USP12: variants seen among roughly 807,000 people sequenced by gnomAD.
The protein encoded by USP12 is ubiquitin specific peptidase 12.
USP12 carries 19 observed loss-of-function variants against 45.5 expected under a neutral mutation model. The observed-to-expected ratio is 0.42, with a 90% CI of 0.29 to 0.61. The LOEUF is 0.61. Ranked by LOEUF, USP12 falls within the 20% of genes least tolerant of loss-of-function variation. The pLI, the probability that USP12 is intolerant of heterozygous loss-of-function variation, is 0.22. For missense variants in USP12, 242 were observed against 447.7 expected (o/e 0.54, Z 4.15); for synonymous variants, 149 against 148.8 (o/e 1.00, Z -0.01).
chr13:27,171,016 G>A (rs950947416), intron 1 of USP12, among the ~76,000 whole-genome samples: 2 of 152,180 alleles, frequency 1.3e-5, no homozygotes, highest in Admixed American at 6.5e-5. Flanking sequence ...ATCTGCACTT[G>A]ACTTCCGTCC....
At chr13:27,153,875 G>A (rs116041875) in intron 1 of USP12, among the ~76,000 whole-genome samples, 23 of 152,230 alleles carry the variant, frequency 1.5e-4, no homozygotes, top group African/African-American at 5.5e-4. Flanking sequence ...TGAGAAAAAC[G>A]AAGTCTCTAG....
intron 6 of USP12, among the ~76,000 whole-genome samples, chr13:27,083,304 T>C (rs905494042): frequency 6.6e-6 from 1 of 152,194 alleles, no homozygotes; most frequent in African/African-American, 2.4e-5. Flanking sequence ...GCACACATGC[T>C]GTTGGAAAAA....
intron 1 of USP12, among the ~76,000 whole-genome samples, chr13:27,135,875 T>C (rs1876782080): frequency 6.6e-6 from 1 of 152,238 alleles, no homozygotes; most frequent in African/African-American, 2.4e-5. Context: ...TTTCTTTACT[T>C]TCCAAGTTGA....
At chr13:27,158,725 G>A (rs1034039735) in intron 1 of USP12, among the ~76,000 whole-genome samples, 2 of 152,046 alleles carry the variant, frequency 1.3e-5, no homozygotes, top group African/African-American at 4.8e-5. Context: ...ACTTTGTTAT[G>A]GCAGCCCTAG....
chr13:27,132,481 C>T (rs887551059), intron 1 of USP12, among the ~76,000 whole-genome samples: 2 of 152,150 alleles, frequency 1.3e-5, no homozygotes, highest in African/African-American at 2.4e-5. Flanking sequence ...ATAGCCCTCA[C>T]TCATTAAATT....
intron 7 of USP12, among the ~76,000 whole-genome samples, chr13:27,074,028 G>C (rs191102230): frequency 1.3e-5 from 2 of 152,144 alleles, no homozygotes; most frequent in South Asian, 4.1e-4. Flanking sequence ...ATAAAAGACG[G>C]GACCCAAGGC....
intron 1 of USP12, among the ~76,000 whole-genome samples, chr13:27,156,591 G>T (rs577664075): frequency 1.0e-3 from 157 of 152,350 alleles, no homozygotes; most frequent in South Asian, 2.3e-3. Context: ...GCCAAGACAG[G>T]CGGATCACCT....
At chr13:27,171,244 C>G (rs566175818) in intron 1 of USP12, among the ~76,000 whole-genome samples, 1 of 150,436 alleles carries the variant, frequency 6.6e-6, no homozygotes, top group Non-Finnish European at 1.5e-5. Context: ...GGGCGCGCCT[C>G]GGCCCTCGTC....
chr13:27,103,607 A>AAAAAAAAAAT lies in USP12; in HGVS notation c.343+2123_343+2124insATTTTTTTTT, dbSNP rs372985958. On this transcript the variant is annotated intron_variant, in intron 3 of 8. Coordinates refer to ENST00000282344, the MANE Select transcript of USP12 (RefSeq NM_182488.4). ...GTAACTATTGAACTATCAAAAAAAA[A>AAAAAAAAAAT]AATAATAATAATAATAATAATAAGG... Among the ~76,000 whole-genome samples the AAAAAAAAAAT allele has an allele frequency of 5.3e-3, 682 of 128,456 alleles. 3 individuals are homozygous for AAAAAAAAAAT. The highest frequency in any genetic ancestry group is 0.013 in the South Asian group (49 of 3,696). 84.3% of individuals were successfully genotyped at this position (128,456 alleles called of 152,430 possible). A position where few individuals can be genotyped will look rare whatever the true frequency, so the allele number is the denominator to read the frequency against.
chr13:27,089,648 G>A lies in USP12; in HGVS notation c.734+235C>T, dbSNP rs571706447. 2.9e-4 allele frequency: 128 copies of A among 448,274 alleles called. 3 individuals are homozygous for A. The South Asian group carries it at 4.1e-3, about 14-fold the overall frequency. 27.8% of individuals were successfully genotyped at this position (448,274 alleles called of 1,614,324 possible). On this transcript the variant is annotated intron_variant, in intron 6 of 8. Transcript: ENST00000282344. ...AAATATTTTAACTGTACTGGTTTATGATGATTAAATAATCGCTAGACATAG... is the reference window on the plus strand; with the variant it reads ...AAATATTTTAACTGTACTGGTTTATAATGATTAAATAATCGCTAGACATAG...
intron 3 of USP12, among the ~76,000 whole-genome samples, chr13:27,099,785 C>T (rs548265190): frequency 6.6e-6 from 1 of 152,170 alleles, no homozygotes; most frequent in African/African-American, 2.4e-5. Flanking sequence ...AAGAATGCAA[C>T]TGAAGCCACA....
chr13:27,148,381 T>C (rs1474882382), intron 1 of USP12, among the ~76,000 whole-genome samples: 1 of 151,606 alleles, frequency 6.6e-6, no homozygotes, highest in Non-Finnish European at 1.5e-5. Context: ...TAAAACTATA[T>C]ATATATATTA....
At chr13:27,099,605 C>T (rs1207255567) in intron 3 of USP12, among the ~76,000 whole-genome samples, 2 of 152,164 alleles carry the variant, frequency 1.3e-5, no homozygotes, top group African/African-American at 4.8e-5. Context: ...TGCAAATAGA[C>T]AAGTTTAATT....
chr13:27,077,306 T>C (rs926681256), intron 6 of USP12: 2 of 152,156 alleles, frequency 1.3e-5, no homozygotes, highest in African/African-American at 4.8e-5. Flanking sequence ...CAATGGATGG[T>C]AGATGCAAAA....
chr13:27,126,938 A>G (rs1876265866), intron 1 of USP12, among the ~76,000 whole-genome samples: 1 of 152,144 alleles, frequency 6.6e-6, no homozygotes, highest in Non-Finnish European at 1.5e-5. Flanking sequence ...ATCTTCCTCC[A>G]TCCCAACTAC....
intron 7 of USP12, among the ~76,000 whole-genome samples, chr13:27,073,244 G>A (rs1373001326): frequency 6.6e-6 from 1 of 152,194 alleles, no homozygotes; most frequent in Non-Finnish European, 1.5e-5. Context: ...GACCTGCTGT[G>A]CAGAACTCCA....
intron 2 of USP12, among the ~76,000 whole-genome samples, chr13:27,107,041 C>G (rs1480727875): frequency 6.6e-6 from 1 of 152,098 alleles, no homozygotes; most frequent in African/African-American, 2.4e-5. Context: ...AAAAAATCTA[C>G]TGGCCAGACG....
In USP12 at chr13:27,066,832, C is replaced by T. The variant is rs1196486477; in HGVS notation, c.*2451G>A. On this transcript the variant is annotated 3_prime_UTR_variant, in exon 9 of 9. Coordinates refer to ENST00000282344, the MANE Select transcript of USP12 (RefSeq NM_182488.4). ...CACAGTCAACCAACATACAACCTCA[C>T]GATGCTTTCTTCATGGGTCACTTTT... 4 of 152,208 alleles carry T rather than the reference C, an allele frequency of 2.6e-5. No individual in the cohort carries two copies. The highest frequency in any genetic ancestry group is 6.5e-5 in the Admixed American group (1 of 15,282). The allele number at this position is 152,208 out of a possible 1,614,324, so 9.4% of individuals were successfully genotyped here.
chr13:27,145,047 GGACCCTGCAGCAGAGTGA>G (rs929672517), intron 1 of USP12, among the ~76,000 whole-genome samples: 4 of 152,162 alleles, frequency 2.6e-5, no homozygotes, highest in Non-Finnish European at 4.4e-5. Context: ...AGCCTGGGCT[GGACCCTGCAGCAGAGTGA>G]GACCCTGCAG....
Sources: gnomAD v4.1 joint callset for allele counts (sites outside exome capture counted in the v4.1 genomes callset) on GRCh38, gnomAD v4.1.1 for gene constraint, MANE v1.5 for transcripts, NCBI Gene and HGNC (gene_info 2026-07-23, HGNC 2026-07-21) for gene names.